Variants in RIPK4 observed in about 807,000 individuals in gnomAD.
RIPK4 encodes receptor-interacting serine/threonine-protein kinase 4.
RIPK4 carries 17 observed loss-of-function variants against 42.9 expected under a neutral mutation model. That is an observed-to-expected ratio of 0.40 (90% CI 0.27 to 0.59). The LOEUF is 0.59. RIPK4 is among the 20% of genes least tolerant of loss of function. The pLI, the probability that RIPK4 is intolerant of heterozygous loss-of-function variation, is 0.47. For synonymous variants in RIPK4, 498 were observed against 499.1 expected, an observed-to-expected ratio of 1.00 and a Z score of 0.03; for missense variants, 897 against 1,104.4, an observed-to-expected ratio of 0.81 and a Z score of 2.66.
At chr21:41,763,866 T>G (rs2061228465) in intron 1 of RIPK4, among the ~76,000 whole-genome samples, 1 of 152,280 alleles carries the variant, frequency 6.6e-6, no homozygotes, top group African/African-American at 2.4e-5. Context: ...GAGCATCCCC[T>G]TAGCTGGGGG....
rs900785849 is a variant in RIPK4 at position 41,741,176 on chromosome 21, C to A, written c.2017G>T (p.Ala673Ser). The change falls in exon 8 of 8, where the codon GCT (alanine) becomes TCT (serine). Residue 673 changes from alanine to serine, a missense_variant. Ala to Ser is a moderately conservative substitution (Grantham distance 99, BLOSUM62 1). Transcript: ENST00000332512. ...KEAMTSDGYT[A>S]LHLAARNGHL... ...CCGTTGCGGGCAGCCAGGTGCAGAG[C>A]GGTGTAGCCGTCTGAGGTCATGGCC... 1.9e-6 allele frequency: 3 copies of A among 1,611,786 alleles called. No homozygotes were observed. The African/African-American group carries it at 4.0e-5, about 22-fold the overall frequency.
At chr21:41,766,743 C>T (rs931209032) in intron 1 of RIPK4, 117 bp downstream of exon 1, 3 of 1,125,546 alleles carry the variant, frequency 2.7e-6, no homozygotes, top group Non-Finnish European at 3.7e-6. Context: ...GTTTCCCCCC[C>T]GAAGCTGCTC....
chr21:41,757,053 T>C (rs1330153884), intron 1 of RIPK4, among the ~76,000 whole-genome samples: 1 of 152,138 alleles, frequency 6.6e-6, no homozygotes, highest in Non-Finnish European at 1.5e-5. Context: ...AGGAGGGAAA[T>C]TCTAATCGTT....
At chr21:41,752,217 T>C (rs1242844479) in intron 2 of RIPK4, among the ~76,000 whole-genome samples, 1 of 152,200 alleles carries the variant, frequency 6.6e-6, no homozygotes, top group Non-Finnish European at 1.5e-5. Context: ...CTTCAAGGCA[T>C]ATGGATTTTT....
Position 41,755,987 on chromosome 21 carries a change from G to GC in RIPK4, c.474+537dup, listed in dbSNP as rs1218072041. On this transcript the variant is annotated intron_variant, in intron 2 of 7. Coordinates refer to ENST00000332512, the MANE Select transcript of RIPK4 (RefSeq NM_020639.3). The surrounding 1 kb of genome is among the most constrained non-coding windows in gnomAD (Gnocchi z 4.2). ...TCCATCTCCCAGGCGTTGCACTAAC[G>GC]CAACACGCTGCCACTCCGCACTCTA... Among the ~76,000 whole-genome samples the GC allele has an allele frequency of 2.0e-5, 3 of 152,200 alleles. No homozygotes were observed. The highest frequency in any genetic ancestry group is 2.9e-5 in the Non-Finnish European group (2 of 68,038).
chr21:41,747,431 G>C (rs1383902617), intron 4 of RIPK4, among the ~76,000 whole-genome samples: 1 of 152,222 alleles, frequency 6.6e-6, no homozygotes, highest in African/African-American at 2.4e-5. Flanking sequence ...GAAGGGCCCA[G>C]GGTGACATCC....
At chr21:41,759,509 G>A (rs1007257698) in intron 1 of RIPK4, among the ~76,000 whole-genome samples, 3 of 152,116 alleles carry the variant, frequency 2.0e-5, no homozygotes, top group Non-Finnish European at 2.9e-5. Context: ...CACAGGCCAC[G>A]CAAGGCAGCT....
intron 2 of RIPK4, among the ~76,000 whole-genome samples, chr21:41,754,990 G>A (rs1026478990): frequency 6.6e-6 from 1 of 152,206 alleles, no homozygotes; most frequent in Admixed American, 6.5e-5. Context: ...GGCAGCTCCC[G>A]CAGGTGAAGC....
rs1157925689 is a variant in RIPK4 at position 41,751,291 on chromosome 21, A to G, written c.475-46T>C. On this transcript the variant is annotated intron_variant, in intron 2 of 7. Coordinates refer to ENST00000332512, the MANE Select transcript of RIPK4 (RefSeq NM_020639.3). This position sits in a 1 kb window ranked among gnomAD's most constrained non-coding sequence, Gnocchi z 4.5. ...CGGGGCTCATTAGCCTGCAACAGTGATATTTTATGATGCTTTATCAAAAGC... is the reference window on the plus strand; with the variant it reads ...CGGGGCTCATTAGCCTGCAACAGTGGTATTTTATGATGCTTTATCAAAAGC... 1.2e-6 allele frequency: 2 copies of G among 1,603,008 alleles called. No individual in the cohort carries two copies. The highest frequency in any genetic ancestry group is 2.2e-5 in the South Asian group (2 of 89,878).
In RIPK4 at chr21:41,741,587, C is replaced by T; in HGVS notation, c.1606G>A (p.Glu536Lys). The T allele has an allele frequency of 2.5e-6, 4 of 1,612,042 alleles. No homozygotes were observed. ...GCCACGTGCATGGGCGTCCGGCCCT[C>T]AAAGTCCACCTCGTTGACCGAGGCG... is the stretch of plus-strand genomic sequence containing the variant. ...KNASVNEVDF[E>K]GRTPMHVACQ... The change falls in exon 8 of 8, where the codon GAG becomes AAG. Residue 536 changes from glutamate to lysine, a missense_variant. Coordinates refer to ENST00000332512, the MANE Select transcript of RIPK4 (RefSeq NM_020639.3).
At chr21:41,756,247 C>T (rs1338209537) in intron 2 of RIPK4, among the ~76,000 whole-genome samples, 1 of 152,222 alleles carries the variant, frequency 6.6e-6, no homozygotes, top group Non-Finnish European at 1.5e-5. Context: ...AATCTTTTTC[C>T]GGAATGAGTC....
intron 1 of RIPK4, among the ~76,000 whole-genome samples, chr21:41,766,420 G>C (rs1276887868): frequency 6.6e-6 from 1 of 152,246 alleles, no homozygotes; most frequent in East Asian, 1.9e-4. Context: ...TCTAAGCCCT[G>C]CGCAGACCGC....
chr21:41,743,913 C>A lies in RIPK4; in HGVS notation c.1164G>T (p.Ser388=). 2 of 1,610,806 alleles carry A rather than the reference C, an allele frequency of 1.2e-6. No individual in the cohort carries two copies. The highest frequency in any genetic ancestry group is 1.3e-5 in the African/African-American group (1 of 74,882). The part of the protein sequence containing the change: ...DSAFSSRGSL[S]LSFEREPSTS... ...TTGAAGGTTCCCGCTCAAAGGACAG[C>A]GACAGTGATCCTCTGGAAGAGAAGG... The change falls in exon 7 of 8, where the codon TCG becomes TCT. Residue 388 remains serine (S), a synonymous_variant. Transcript: ENST00000332512.
At chr21:41,754,086 C>T (rs892561692) in intron 2 of RIPK4, among the ~76,000 whole-genome samples, 2 of 152,084 alleles carry the variant, frequency 1.3e-5, no homozygotes, top group Admixed American at 6.6e-5. Context: ...ATCTCAGAGG[C>T]GAATGGCAGC....
At chr21:41,758,047 G>T (rs34879432) in intron 1 of RIPK4, among the ~76,000 whole-genome samples, 11,453 of 89,476 alleles carry the variant, frequency 0.13, 795 homozygotes, top group Non-Finnish European at 0.15. Flanking sequence ...TATATAGAGA[G>T]AGAGAGAGAG....
In RIPK4 at chr21:41,741,118, T is replaced by G; in HGVS notation, c.2075A>C (p.Glu692Ala). Residue 692 changes from glutamate to alanine, a missense_variant, in exon 8 of 8, where the codon GAG (glutamate) becomes GCG (alanine). Glu to Ala is a moderately radical substitution (Grantham distance 107). Coordinates refer to ENST00000332512, the MANE Select transcript of RIPK4 (RefSeq NM_020639.3). ...TCCCCGGGCCAGCACATCGGCCTTC[T>G]CCTCGACAAGCAGCTTGACAGTGGC... ...HLATVKLLVE[E>A]KADVLARGPL... is the part of the protein sequence containing the mutation. 1.9e-6 allele frequency: 3 copies of G among 1,612,674 alleles called. No individual in the cohort carries two copies. The highest frequency in any genetic ancestry group is 2.5e-6 in the Non-Finnish European group (3 of 1,179,818).
chr21:41,743,571 G>A (rs936723537), intron 7 of RIPK4, among the ~76,000 whole-genome samples: 1 of 152,156 alleles, frequency 6.6e-6, no homozygotes, highest in Non-Finnish European at 1.5e-5. Flanking sequence ...TCGGCTACTC[G>A]CCAGGCTCAC....
rs2061239909 is a variant in RIPK4 at position 41,767,030 on chromosome 21, G to A, written c.12C>T (p.Asp4=). ...GCGCCAGGGCCCATGGGGTCCCGCC[G>A]TCGCCCTCCATCGCGCACGTCTAGC... MEG[D]GGTPWALALL... is the part of the protein sequence containing the mutation. The change falls in exon 1 of 8, where the codon GAC becomes GAT. Residue 4 remains aspartate, a synonymous_variant. Transcript: ENST00000332512. This position sits in a 1 kb window ranked among gnomAD's most constrained non-coding sequence, Gnocchi z 4.0. The A allele has an allele frequency of 1.3e-6, 2 of 1,576,956 alleles. No individual in the cohort carries two copies. Among genetic ancestry groups the A allele is most frequent in the Admixed American group, 1.8e-5 (1 of 56,180 alleles).
intron 3 of RIPK4, among the ~76,000 whole-genome samples, 190 bp from the exon 4 acceptor site, chr21:41,749,393 C>T (rs534303935): frequency 6.6e-6 from 1 of 152,224 alleles, no homozygotes; most frequent in South Asian, 2.1e-4. Flanking sequence ...GTTGATAGCT[C>T]AGATGTCAGA....
Sources: gnomAD v4.1 joint callset for allele counts (sites outside exome capture counted in the v4.1 genomes callset) on GRCh38, gnomAD v4.1.1 for gene constraint, Gnocchi (gnomAD v3.1) non-coding constraint, MANE v1.5 for transcripts, NCBI Gene and HGNC (gene_info 2026-07-23, HGNC 2026-07-21) for gene names.